Variants in CDC42BPA observed in about 807,000 individuals in gnomAD.
CDC42BPA encodes the protein CDC42 binding protein kinase alpha.
Under a neutral mutation model 223.5 loss-of-function variants are expected in CDC42BPA, and 80 were observed. The ratio of observed to expected loss-of-function variants is 0.36; its 90% CI spans 0.30 to 0.43. The LOEUF (loss-of-function observed/expected upper bound fraction) is 0.43. Among genes scored for constraint, CDC42BPA ranks in the 20% least tolerant of loss-of-function variants. The pLI, the probability that CDC42BPA is intolerant of heterozygous loss-of-function variation, is 1.00. For missense variants in CDC42BPA, 1,743 were observed against 2,099.9 expected (o/e 0.83, Z 3.32); for synonymous variants, 694 against 718.6 (o/e 0.97, Z 0.55).
chr1:227,275,842 G>C (rs1204498405), intron 1 of CDC42BPA, among the ~76,000 whole-genome samples: 2 of 152,218 alleles, frequency 1.3e-5, no homozygotes, highest in African/African-American at 4.8e-5. Context: ...AACCGCGAGT[G>C]ATCTGCCCGC....
At chr1:227,143,128 G>T (rs1220633336) in intron 8 of CDC42BPA, 104 bp from the exon 9 acceptor site, 7 of 642,506 alleles carry the variant, frequency 1.1e-5, no homozygotes, top group Non-Finnish European at 1.7e-5. Context: ...AAAAAATTGT[G>T]ACTGTTCAAT....
At chr1:227,036,126 T>C (rs537777161) in intron 24 of CDC42BPA, among the ~76,000 whole-genome samples, 4 of 152,336 alleles carry the variant, frequency 2.6e-5, no homozygotes, top group African/African-American at 9.6e-5. Flanking sequence ...ATACTTAAAC[T>C]ACTACTAAAA....
At chr1:227,176,199 C>G (rs1052783587) in intron 5 of CDC42BPA, among the ~76,000 whole-genome samples, 3 of 152,034 alleles carry the variant, frequency 2.0e-5, no homozygotes, top group Admixed American at 2.0e-4. Context: ...GTGATCTGCC[C>G]GCCTTGGCCT....
chr1:226,996,159 C>T (rs779451836), intron 35 of CDC42BPA, among the ~76,000 whole-genome samples: 8 of 152,204 alleles, frequency 5.3e-5, no homozygotes, highest in Non-Finnish European at 1.0e-4. Flanking sequence ...ATTTCCTCGA[C>T]ACTGGAACTG....
intron 1 of CDC42BPA, among the ~76,000 whole-genome samples, chr1:227,305,965 C>CA (rs1455840725): frequency 6.6e-6 from 1 of 151,804 alleles, no homozygotes; most frequent in Non-Finnish European, 1.5e-5. Context: ...GACTCCATCT[C>CA]AAAAAACTAA....
intron 1 of CDC42BPA, among the ~76,000 whole-genome samples, chr1:227,304,102 T>C (rs1187542019): frequency 6.6e-6 from 1 of 152,186 alleles, no homozygotes; most frequent in Non-Finnish European, 1.5e-5. Context: ...ACTACTCATA[T>C]AAGAAATCAC....
chr1:227,190,190 CAG>C (rs10547469), intron 5 of CDC42BPA, among the ~76,000 whole-genome samples: 30,079 of 152,046 alleles, frequency 0.2, 3,064 homozygotes, highest in Admixed American at 0.25. Context: ...TATCTGCCTA[CAG>C]AGTCTTCTCA....
At chr1:227,204,475 C>T (rs1315717150) in intron 3 of CDC42BPA, among the ~76,000 whole-genome samples, 1 of 152,102 alleles carries the variant, frequency 6.6e-6, no homozygotes, top group African/African-American at 2.4e-5. Flanking sequence ...TGTCTCCCCT[C>T]CCCAACTAAA....
At chr1:227,255,168 C>G (rs548594641) in intron 1 of CDC42BPA, among the ~76,000 whole-genome samples, 1 of 152,256 alleles carries the variant, frequency 6.6e-6, no homozygotes, top group South Asian at 2.1e-4. Flanking sequence ...CTTTCCTCTC[C>G]TCAGGTCCCT....
chr1:227,211,733 C>T (rs1673938655), intron 3 of CDC42BPA, among the ~76,000 whole-genome samples: 1 of 151,490 alleles, frequency 6.6e-6, no homozygotes, highest in Non-Finnish European at 1.5e-5. Flanking sequence ...CATGGACATA[C>T]AGAGTGGAAT....
At chr1:227,131,216 T>G (rs1054341510) in intron 10 of CDC42BPA, among the ~76,000 whole-genome samples, 47 of 152,212 alleles carry the variant, frequency 3.1e-4, no homozygotes, top group African/African-American at 1.1e-3. Flanking sequence ...CTGCTTGTTT[T>G]TACCCGACAT....
intron 5 of CDC42BPA, among the ~76,000 whole-genome samples, chr1:227,168,497 GTTTTT>G (rs1292387936): frequency 1.2e-5 from 1 of 80,196 alleles, no homozygotes; most frequent in African/African-American, 5.0e-5. Context: ...CTTCCCTGGT[GTTTTT>G]TTTTTTTTTT....
chr1:227,128,996 A>G (rs1656410512), intron 11 of CDC42BPA, 113 bp downstream of exon 11: 1 of 730,946 alleles, frequency 1.4e-6, no homozygotes, highest in Non-Finnish European at 2.2e-6. Flanking sequence ...CCTGACTAGC[A>G]TGCAACTCAC....
At chr1:227,004,688 C>G in intron 35 of CDC42BPA, 1 of 376,700 alleles carries the variant, frequency 2.7e-6, no homozygotes, top group Non-Finnish European at 5.0e-6. Context: ...TCCCTAACAG[C>G]TACCCCTTGT....
At chr1:227,022,781 C>T (rs1558304650) in intron 32 of CDC42BPA, among the ~76,000 whole-genome samples, 1 of 152,186 alleles carries the variant, frequency 6.6e-6, no homozygotes, top group African/African-American at 2.4e-5. Context: ...TACTCCCTCT[C>T]CTGATTCCAG....
rs113600733 is a variant in CDC42BPA, at chr1:227,256,240, G to A, written c.179-2085C>T. On this transcript the variant is annotated intron_variant, in intron 1 of 36. Coordinates refer to ENST00000366766, the MANE Select transcript of CDC42BPA (RefSeq NM_001394014.1). ...AGGAACAGAAAACCAAATACCACATGTTCTCACTCATAAGTGGGAGATGAA... is the reference window on the plus strand; with the variant it reads ...AGGAACAGAAAACCAAATACCACATATTCTCACTCATAAGTGGGAGATGAA... Among the ~76,000 whole-genome samples the A allele has an allele frequency of 8.1e-3, 1,233 of 152,206 alleles. 4 individuals carry two copies. The highest frequency in any genetic ancestry group is 0.031 in the Middle Eastern group (9 of 294).
intron 1 of CDC42BPA, among the ~76,000 whole-genome samples, chr1:227,273,868 A>C (rs77148367): frequency 1.4e-5 from 2 of 138,706 alleles, no homozygotes; most frequent in Admixed American, 7.3e-5. Context: ...AAAAAAAAAA[A>C]AAAAACACAA....
rs981129113 is a variant in CDC42BPA at position 226,990,510 on chromosome 1, C to T, written c.*3758G>A. The T allele has an allele frequency of 6.6e-6, 1 of 152,258 alleles. No individual in the cohort carries two copies. Among genetic ancestry groups the T allele is most frequent in the Non-Finnish European group, 1.5e-5 (1 of 68,070 alleles). The allele number at this position is 152,258 out of a possible 1,614,324, so 9.4% of individuals were successfully genotyped here. A position where few individuals can be genotyped will look rare whatever the true frequency, so the allele number is the denominator to read the frequency against. On this transcript the variant is annotated 3_prime_UTR_variant, in exon 37 of 37. Transcript: ENST00000366766. ...GGGGGAGTGGAGTGCCCAATTCATT[C>T]CCTGTTGTGCTCACCAGACATGGGC...
intron 5 of CDC42BPA, among the ~76,000 whole-genome samples, chr1:227,169,601 C>G (rs775631140): frequency 6.6e-6 from 1 of 152,148 alleles, no homozygotes; most frequent in Non-Finnish European, 1.5e-5. Flanking sequence ...CTTTCACAGG[C>G]CATAGAGACC....
Sources: allele counts gnomAD v4.1 joint callset (sites outside exome capture counted in the v4.1 genomes callset), GRCh38; gene constraint gnomAD v4.1.1; transcripts MANE v1.5; gene names NCBI Gene and HGNC (gene_info 2026-07-23, HGNC 2026-07-21).